Variants in RASA2 observed in about 807,000 individuals in gnomAD.
The protein encoded by RASA2 is RAS p21 protein activator 2.
In RASA2, 155 loss-of-function variants were observed where a neutral mutation model predicts 118.2. That is an observed-to-expected ratio of 1.31 (90% confidence interval 1.15 to 1.50). RASA2 has a LOEUF of 1.50. Ranked by LOEUF, RASA2 falls within the 40% of genes most tolerant of loss-of-function variation. RASA2 has a pLI of 0.00. For synonymous variants in RASA2, 353 were observed against 349.1 expected, an observed-to-expected ratio of 1.01 and a Z score of -0.12; for missense variants, 1,016 against 1,009.6, an observed-to-expected ratio of 1.01 and a Z score of -0.09.
chr3:141,587,310 A>G (rs1468340196), intron 19 of RASA2, among the ~76,000 whole-genome samples: 1 of 152,256 alleles, frequency 6.6e-6, no homozygotes, highest in Non-Finnish European at 1.5e-5. Flanking sequence ...AAATGAAGCC[A>G]TCTTCCTACA....
intron 13 of RASA2, 99 bp downstream of exon 13, chr3:141,573,320 A>G (rs1414382311): frequency 6.3e-6 from 8 of 1,266,746 alleles, no homozygotes; most frequent in Non-Finnish European, 7.3e-6. Context: ...AGAGGGAAGC[A>G]GTGCTGTTTA....
At chr3:141,526,574 A>G (rs2082188117) in intron 3 of RASA2, among the ~76,000 whole-genome samples, 1 of 152,108 alleles carries the variant, frequency 6.6e-6, no homozygotes, top group Non-Finnish European at 1.5e-5. Context: ...CCTGCTACCT[A>G]TTAACTTCAA....
At chr3:141,504,856 T>C (rs2081840341) in intron 1 of RASA2, among the ~76,000 whole-genome samples, 1 of 152,172 alleles carries the variant, frequency 6.6e-6, no homozygotes, top group Non-Finnish European at 1.5e-5. Flanking sequence ...TGCTTATTGC[T>C]TTGTAGCCAT....
At position 141,572,654 on chromosome 3, in the gene RASA2, T is replaced by C; in HGVS notation, c.1215T>C (p.Cys405=). ...IFRGNSLATR[C]LDEMMKIVGG... ...GAGGAAATTCCCTGGCTACCCGATG[T>C]CTGGATGAGATGATGAAAATAGTGG... The change falls in exon 12 of 24, where the codon TGT becomes TGC. Residue 405 remains cysteine (C), a synonymous_variant. Transcript: ENST00000286364. The C allele has an allele frequency of 6.2e-7, 1 of 1,613,726 alleles. No homozygotes were observed. The highest frequency in any genetic ancestry group is 8.5e-7 in the Non-Finnish European group (1 of 1,179,806).
intron 9 of RASA2, 109 bp from the exon 10 acceptor site, chr3:141,570,803 A>T: frequency 2.0e-6 from 2 of 1,019,810 alleles, no homozygotes; most frequent in Non-Finnish European, 2.8e-6. Flanking sequence ...CTAACTGTAA[A>T]TACTAAGTTG....
chr3:141,598,555 G>A (rs898537168), intron 19 of RASA2, among the ~76,000 whole-genome samples: 18 of 152,148 alleles, frequency 1.2e-4, no homozygotes, highest in Non-Finnish European at 2.1e-4. Context: ...AGCCAATGCA[G>A]TAAGACAAGA....
intron 19 of RASA2, among the ~76,000 whole-genome samples, chr3:141,599,813 G>A (rs1376956755): frequency 6.6e-6 from 1 of 151,914 alleles, no homozygotes; most frequent in African/African-American, 2.4e-5. Flanking sequence ...AATACATTAA[G>A]AGCATGGAAA....
intron 10 of RASA2, 23 bp from the exon 11 acceptor site, chr3:141,571,383 G>A (rs1426586732): frequency 6.2e-7 from 1 of 1,603,800 alleles, no homozygotes; most frequent in Non-Finnish European, 8.5e-7. Flanking sequence ...GTTTGTGCTT[G>A]TTTTCTACCT....
intron 14 of RASA2, among the ~76,000 whole-genome samples, chr3:141,576,489 G>A (rs1189013120): frequency 6.6e-6 from 1 of 152,194 alleles, no homozygotes; most frequent in Non-Finnish European, 1.5e-5. Flanking sequence ...GTAGTCTTCA[G>A]TTCATCTGCA....
chr3:141,606,653 A>AC (rs2083553942), intron 19 of RASA2, among the ~76,000 whole-genome samples: 1 of 152,142 alleles, frequency 6.6e-6, no homozygotes, highest in Non-Finnish European at 1.5e-5. Flanking sequence ...TGCTTGAATT[A>AC]CATAAATTTT....
intron 1 of RASA2, among the ~76,000 whole-genome samples, chr3:141,488,353 C>T (rs1055309859): frequency 3.9e-5 from 6 of 152,172 alleles, no homozygotes; most frequent in African/African-American, 1.4e-4. Context: ...GTACTTTTCA[C>T]TTTGAAGAAA....
chr3:141,533,139 A>G (rs2082282171), intron 4 of RASA2, among the ~76,000 whole-genome samples: 1 of 152,164 alleles, frequency 6.6e-6, no homozygotes, highest in Non-Finnish European at 1.5e-5. Flanking sequence ...CCATGTGACC[A>G]TACAGCTTCC....
chr3:141,599,282 T>C (rs1159637264), intron 19 of RASA2, among the ~76,000 whole-genome samples: 2 of 151,446 alleles, frequency 1.3e-5, no homozygotes, highest in African/African-American at 4.8e-5. Flanking sequence ...GTAATTTTAT[T>C]TTATGTTACT....
At chr3:141,513,913 C>T (rs940904783) in intron 2 of RASA2, among the ~76,000 whole-genome samples, 5 of 152,072 alleles carry the variant, frequency 3.3e-5, no homozygotes, top group East Asian at 1.9e-4. Context: ...TTCAGAGATT[C>T]GCGTCTTCAT....
chr3:141,496,392 T>C (rs1006258575), intron 1 of RASA2, among the ~76,000 whole-genome samples: 1 of 152,048 alleles, frequency 6.6e-6, no homozygotes, highest in African/African-American at 2.4e-5. Context: ...ACCTACAGAA[T>C]GGGAGAAAAA....
intron 9 of RASA2, among the ~76,000 whole-genome samples, chr3:141,560,211 T>C (rs1483447549): frequency 6.6e-6 from 1 of 152,176 alleles, no homozygotes; most frequent in Non-Finnish European, 1.5e-5. Flanking sequence ...CTGAATCATC[T>C]AGGAATATTT....
At chr3:141,556,564 G>A (rs1169768684) in intron 7 of RASA2, among the ~76,000 whole-genome samples, 1 of 151,706 alleles carries the variant, frequency 6.6e-6, no homozygotes, top group Admixed American at 6.6e-5. Flanking sequence ...ATACAGTTTG[G>A]ACAAAAGCTT....
At position 141,506,468 on chromosome 3, in the gene RASA2, G is replaced by T. The variant is rs547278166; in HGVS notation, c.134-5695G>T. On this transcript the variant is annotated intron_variant, in intron 1 of 23. Transcript: ENST00000286364. ...AGTAAAAACCATTTTTATTATTTCA[G>T]CTGGCTTGCTTGTGTCATATCTTAG... Among the ~76,000 whole-genome samples the T allele has an allele frequency of 3.3e-5, 5 of 152,250 alleles. No individual in the cohort carries two copies. The East Asian group carries it at 9.6e-4, about 29-fold the overall frequency.
At chr3:141,510,436 C>G (rs1044796014) in intron 1 of RASA2, among the ~76,000 whole-genome samples, 4 of 152,150 alleles carry the variant, frequency 2.6e-5, no homozygotes, top group African/African-American at 9.7e-5. Flanking sequence ...TCTCAGCTGT[C>G]TACCGTATGA....
Sources: allele counts gnomAD v4.1 joint callset (sites outside exome capture counted in the v4.1 genomes callset), GRCh38; gene constraint gnomAD v4.1.1; transcripts MANE v1.5; gene names NCBI Gene and HGNC (gene_info 2026-07-23, HGNC 2026-07-21).